PDE7B: variants seen among roughly 807,000 people sequenced by gnomAD.
The protein encoded by PDE7B is phosphodiesterase 7B.
Under a neutral mutation model 56.2 loss-of-function variants are expected in PDE7B, and 29 were observed. That is an observed-to-expected ratio of 0.52 (90% CI 0.38 to 0.70). The LOEUF (loss-of-function observed/expected upper bound fraction) is 0.70. Ranked by LOEUF, PDE7B falls within the 30% of genes least tolerant of loss-of-function variation. The pLI is 0.00. For synonymous variants in PDE7B, 197 were observed against 196.9 expected (o/e 1.00, Z 0.00); for missense variants, 490 against 565.0 (o/e 0.87, Z 1.35).
intron 10 of PDE7B, among the ~76,000 whole-genome samples, chr6:136,180,671 C>T (rs947313812): frequency 1.6e-4 from 24 of 152,212 alleles, no homozygotes; most frequent in African/African-American, 5.5e-4. Context: ...GCTGGCATCT[C>T]AGATCCAGAC....
intron 11 of PDE7B, among the ~76,000 whole-genome samples, chr6:136,181,854 G>C (rs1253360148): frequency 6.6e-6 from 1 of 152,146 alleles, no homozygotes; most frequent in Non-Finnish European, 1.5e-5. Flanking sequence ...GAAGGATTTT[G>C]CTGTGAAAAG....
At chr6:136,140,003 T>C (rs1778291455) in intron 3 of PDE7B, among the ~76,000 whole-genome samples, 1 of 152,262 alleles carries the variant, frequency 6.6e-6, no homozygotes. Flanking sequence ...TTTTGGCTTT[T>C]GTTGCCATTG....
At chr6:136,059,788 A>T (rs946402639) in intron 2 of PDE7B, among the ~76,000 whole-genome samples, 1 of 152,204 alleles carries the variant, frequency 6.6e-6, no homozygotes, top group Non-Finnish European at 1.5e-5. Flanking sequence ...AAATAAATGG[A>T]TTGCTTCCAT....
At chr6:135,896,382 GGATT>G (rs1233250830) in intron 1 of PDE7B, among the ~76,000 whole-genome samples, 1 of 152,062 alleles carries the variant, frequency 6.6e-6, no homozygotes, top group Non-Finnish European at 1.5e-5. Flanking sequence ...TAGTTGCCTA[GGATT>G]GGCCTGATCA....
chr6:136,086,907 C>T (rs879642464), intron 2 of PDE7B, among the ~76,000 whole-genome samples: 1 of 152,172 alleles, frequency 6.6e-6, no homozygotes, highest in African/African-American at 2.4e-5. Context: ...CCCATTGGCA[C>T]CAGAACGTGC....
At chr6:136,028,471 A>C (rs1248652294) in intron 2 of PDE7B, among the ~76,000 whole-genome samples, 1 of 152,258 alleles carries the variant, frequency 6.6e-6, no homozygotes, top group Non-Finnish European at 1.5e-5. Flanking sequence ...CCACAAATTT[A>C]GGGGCTTAAA....
intron 2 of PDE7B, among the ~76,000 whole-genome samples, chr6:136,106,366 A>T (rs1248106353): frequency 6.6e-6 from 1 of 152,040 alleles, no homozygotes; most frequent in East Asian, 1.9e-4. Context: ...TTTCATTTTA[A>T]AAACCAGGTC....
At chr6:136,074,424 T>C (rs973038793) in intron 2 of PDE7B, among the ~76,000 whole-genome samples, 1 of 152,220 alleles carries the variant, frequency 6.6e-6, no homozygotes, top group South Asian at 2.1e-4. Context: ...ATTTCTTTCT[T>C]TGTGTTACAA....
rs535442856 is a variant in PDE7B at position 135,926,314 on chromosome 6, C to A, written c.22-21150C>A. ...GTGTTAGCCAGGATGGTCTCAATCT[C>A]CTGACCTCGTGATCTGCCCACCTTG... On this transcript the variant is annotated intron_variant, in intron 1 of 12. Transcript: ENST00000308191. 2.2e-3 allele frequency among the ~76,000 whole-genome samples: 339 copies of A among 152,194 alleles called. 1 individual carries two copies. Among genetic ancestry groups the A allele is most frequent in the Non-Finnish European group, 4.1e-3 (282 of 68,006 alleles).
intron 1 of PDE7B, among the ~76,000 whole-genome samples, chr6:135,943,883 G>A (rs9376168): frequency 0.36 from 54,698 of 152,072 alleles, 10,126 homozygotes; most frequent in Admixed American, 0.5. Context: ...CCTCTGTGCT[G>A]TGGAAGGAGA....
intron 1 of PDE7B, among the ~76,000 whole-genome samples, chr6:135,863,354 G>A (rs974255365): frequency 1.3e-5 from 2 of 151,888 alleles, no homozygotes; most frequent in Non-Finnish European, 2.9e-5. Context: ...TTGAATATCA[G>A]CAATTTTATA....
chr6:135,966,101 G>A (rs1774992860), intron 2 of PDE7B, among the ~76,000 whole-genome samples: 1 of 152,080 alleles, frequency 6.6e-6, no homozygotes, highest in African/African-American at 2.4e-5. Flanking sequence ...TAAGTAATAT[G>A]GTAATTAATG....
chr6:136,022,877 G>C (rs1329252545), intron 2 of PDE7B, among the ~76,000 whole-genome samples: 1 of 152,108 alleles, frequency 6.6e-6, no homozygotes, highest in African/African-American at 2.4e-5. Flanking sequence ...TACCTTGCCA[G>C]GAAGCACTGG....
chr6:135,864,684 G>T (rs1775217897), intron 1 of PDE7B, among the ~76,000 whole-genome samples: 1 of 152,008 alleles, frequency 6.6e-6, no homozygotes, highest in South Asian at 2.1e-4. Context: ...ATTAGGGCTT[G>T]TATGGTTTCT....
At chr6:136,091,102 C>A (rs1777377830) in intron 2 of PDE7B, among the ~76,000 whole-genome samples, 1 of 152,110 alleles carries the variant, frequency 6.6e-6, no homozygotes, top group African/African-American at 2.4e-5. Flanking sequence ...TTGGGTGAGA[C>A]CTTTAACATG....
At chr6:136,162,899 C>T (rs1166552258) in intron 8 of PDE7B, among the ~76,000 whole-genome samples, 1 of 152,228 alleles carries the variant, frequency 6.6e-6, no homozygotes, top group Non-Finnish European at 1.5e-5. Context: ...ACATCTAGGT[C>T]ACACCTGATG....
chr6:135,888,932 T>G (rs1001251421), intron 1 of PDE7B, among the ~76,000 whole-genome samples: 1 of 152,174 alleles, frequency 6.6e-6, no homozygotes, highest in Admixed American at 6.5e-5. Flanking sequence ...CATCTAAAGT[T>G]GTGTGATTTC....
chr6:136,155,993 G>C (rs1019786974), intron 8 of PDE7B: 1 of 637,256 alleles, frequency 1.6e-6, no homozygotes, highest in East Asian at 3.2e-5. Flanking sequence ...AGCTCATGTC[G>C]ATACAATTGT....
chr6:136,153,439 C>T (rs1208277746), intron 6 of PDE7B, among the ~76,000 whole-genome samples: 1 of 152,146 alleles, frequency 6.6e-6, no homozygotes, highest in East Asian at 1.9e-4. Context: ...AATCGCCTTG[C>T]CTGTGTCTCT....
Sources: gnomAD v4.1 joint callset for allele counts (sites outside exome capture counted in the v4.1 genomes callset) on GRCh38, gnomAD v4.1.1 for gene constraint, MANE v1.5 for transcripts, NCBI Gene and HGNC (gene_info 2026-07-23, HGNC 2026-07-21) for gene names.